Variants in WAPL observed in about 807,000 individuals in gnomAD.
WAPL encodes the protein WAPL cohesin release factor, also known as wings apart-like protein homolog.
In WAPL, 5 loss-of-function variants were observed where a neutral mutation model predicts 121.0. The observed-to-expected ratio is 0.04, with a 90% CI of 0.02 to 0.09. WAPL has a LOEUF of 0.09. Ranked by LOEUF, WAPL falls within the 10% of genes least tolerant of loss-of-function variation. The pLI is 1.00. For missense variants in WAPL, 999 were observed against 1,410.8 expected, an observed-to-expected ratio of 0.71 and a Z score of 4.68; for synonymous variants, 480 against 481.5, an observed-to-expected ratio of 1.00 and a Z score of 0.04.
chr10:86,492,361 T>C (rs925752070), intron 4 of WAPL, among the ~76,000 whole-genome samples: 11 of 152,154 alleles, frequency 7.2e-5, no homozygotes, highest in African/African-American at 2.7e-4. Context: ...CAACAATGGA[T>C]ACGAAAATGA....
chr10:86,497,353 A>C, intron 3 of WAPL, 34 bp from the exon 4 acceptor site: 1 of 1,464,318 alleles, frequency 6.8e-7, no homozygotes. Flanking sequence ...TAGCTTACTA[A>C]TATTTCAAAT....
At chr10:86,493,143 T>C (rs1382330696) in intron 4 of WAPL, among the ~76,000 whole-genome samples, 1 of 151,036 alleles carries the variant, frequency 6.6e-6, no homozygotes, top group African/African-American at 2.4e-5. Context: ...CATAACTAAA[T>C]GATTATGGTT....
At chr10:86,483,548 CCTT>C (rs1027743162) in intron 4 of WAPL, among the ~76,000 whole-genome samples, 8 of 151,874 alleles carry the variant, frequency 5.3e-5, no homozygotes, top group Admixed American at 6.6e-5. Context: ...AGAATATACT[CCTT>C]CTACTTGTAA....
At chr10:86,458,911 T>G in intron 12 of WAPL, 78 bp downstream of exon 12, 1 of 1,216,772 alleles carries the variant, frequency 8.2e-7, no homozygotes. Context: ...CTAATCCAAA[T>G]TTCTTTCATT....
chr10:86,520,907 A>G (rs1391829555), intron 1 of WAPL, among the ~76,000 whole-genome samples: 2 of 152,146 alleles, frequency 1.3e-5, no homozygotes, highest in Non-Finnish European at 1.5e-5. Context: ...CTAACCAGAA[A>G]TCCTCACCTG....
Position 86,438,025 on chromosome 10 carries a change from C to G in WAPL, c.3412-10G>C. ...CAGTGGTTACATTGATCTGAGGAAA[C>G]AGAGCAAGAAATATTGGTCAGCTGG... On this transcript the variant is annotated splice_polypyrimidine_tract_variant and intron_variant, in intron 17 of 18. Coordinates refer to ENST00000298767, the MANE Select transcript of WAPL (RefSeq NM_015045.5). The G allele has an allele frequency of 1.2e-6, 2 of 1,602,772 alleles. No homozygotes were observed. Among genetic ancestry groups the G allele is most frequent in the South Asian group, 1.1e-5 (1 of 90,252 alleles).
intron 8 of WAPL, among the ~76,000 whole-genome samples, chr10:86,470,151 G>C (rs1841505052): frequency 6.6e-6 from 1 of 151,728 alleles, no homozygotes; most frequent in South Asian, 2.1e-4. Context: ...TCCTGCCTCA[G>C]CCTCCCAAGT....
intron 4 of WAPL, among the ~76,000 whole-genome samples, chr10:86,490,362 G>A (rs574610733): frequency 6.6e-6 from 1 of 152,114 alleles, no homozygotes; most frequent in African/African-American, 2.4e-5. Context: ...CAGTAAATAG[G>A]TTTGCTGCTG....
At chr10:86,519,842 C>T (rs1842637485) in intron 1 of WAPL, among the ~76,000 whole-genome samples, 1 of 152,184 alleles carries the variant, frequency 6.6e-6, no homozygotes, top group South Asian at 2.1e-4. Context: ...AAAATACTAA[C>T]CAAAGGCCAA....
At chr10:86,515,300 CAACA>C (rs1842534269) in intron 2 of WAPL, among the ~76,000 whole-genome samples, 1 of 150,352 alleles carries the variant, frequency 6.7e-6, no homozygotes. Flanking sequence ...TCAGTTGGAA[CAACA>C]AACACAAGCA....
chr10:86,480,700 A>G (rs762300453), intron 4 of WAPL, among the ~76,000 whole-genome samples: 7 of 152,240 alleles, frequency 4.6e-5, no homozygotes, highest in Non-Finnish European at 1.0e-4. Flanking sequence ...AAAAACATTT[A>G]GCTGGACAAA....
chr10:86,457,265 G>C (rs180936386), intron 12 of WAPL, among the ~76,000 whole-genome samples: 132 of 139,944 alleles, frequency 9.4e-4, no homozygotes, highest in Middle Eastern at 3.8e-3. Context: ...CAAGGCAGGA[G>C]AATCACTTAA....
intron 1 of WAPL, among the ~76,000 whole-genome samples, chr10:86,519,650 CTTG>C (rs1480198436): frequency 6.6e-6 from 1 of 152,186 alleles, no homozygotes; most frequent in Non-Finnish European, 1.5e-5. Flanking sequence ...TACTGTCTTT[CTTG>C]TTAAGTACAG....
At chr10:86,474,285 G>A (rs1317103102) in intron 4 of WAPL, among the ~76,000 whole-genome samples, 1 of 151,298 alleles carries the variant, frequency 6.6e-6, no homozygotes, top group Admixed American at 6.6e-5. Flanking sequence ...AGGCCAAGGC[G>A]GGTGGATCAC....
In WAPL at chr10:86,472,618, G is replaced by A. The variant is rs998572058; in HGVS notation, c.1887C>T (p.Asp629=). The A allele has an allele frequency of 6.2e-7, 1 of 1,613,046 alleles. No individual in the cohort carries two copies. The highest frequency in any genetic ancestry group is 8.5e-7 in the Non-Finnish European group (1 of 1,179,716). ...ACTGTATATGGCTGCTTACTTCTTT[G>A]TCTTCTCGTCTGCATTTCAGTGCAG... The part of the protein sequence containing the change: ...IVTALKCRRE[D]KELYTVVQHV... Residue 629 remains aspartate (D), a synonymous_variant, in exon 6 of 19, where the codon GAC becomes GAT. Coordinates refer to ENST00000298767, the MANE Select transcript of WAPL (RefSeq NM_015045.5). This position sits in a 1 kb window ranked among gnomAD's most constrained non-coding sequence, Gnocchi z 4.2.
intron 4 of WAPL, among the ~76,000 whole-genome samples, chr10:86,476,196 T>G (rs1456251662): frequency 1.3e-5 from 2 of 151,206 alleles, no homozygotes; most frequent in East Asian, 3.9e-4. Flanking sequence ...AAACCCCGTC[T>G]CTACTAAAAA....
At chr10:86,509,477 C>T (rs1447197567) in intron 2 of WAPL, among the ~76,000 whole-genome samples, 2 of 152,190 alleles carry the variant, frequency 1.3e-5, no homozygotes, top group Non-Finnish European at 2.9e-5. Context: ...AGCAAGTAAG[C>T]CCATAGAGTG....
intron 15 of WAPL, among the ~76,000 whole-genome samples, chr10:86,449,898 G>A (rs1279998734): frequency 6.6e-6 from 1 of 152,192 alleles, no homozygotes; most frequent in Non-Finnish European, 1.5e-5. Context: ...ATTCTTTTAT[G>A]GTGACGGTTC....
chr10:86,479,634 G>C (rs1006299894), intron 4 of WAPL, among the ~76,000 whole-genome samples: 40 of 152,198 alleles, frequency 2.6e-4, no homozygotes, highest in African/African-American at 9.4e-4. Flanking sequence ...AAAACTATGT[G>C]CTATATGAAG....
Sources: allele counts gnomAD v4.1 joint callset (sites outside exome capture counted in the v4.1 genomes callset), GRCh38; gene constraint gnomAD v4.1.1; non-coding constraint Gnocchi (gnomAD v3.1); transcripts MANE v1.5; gene names NCBI Gene and HGNC (gene_info 2026-07-23, HGNC 2026-07-21).